MAP3K3: variants seen among roughly 807,000 people sequenced by gnomAD.
MAP3K3 encodes mitogen-activated protein kinase kinase kinase 3, also known as MAP/ERK kinase kinase 3.
MAP3K3 carries 12 observed loss-of-function variants against 80.9 expected under a neutral mutation model. That is an observed-to-expected ratio of 0.15 (90% CI 0.10 to 0.24). The LOEUF (loss-of-function observed/expected upper bound fraction) is 0.24, where lower values mean the gene tolerates loss of function less well. Ranked by LOEUF, MAP3K3 falls within the 10% of genes least tolerant of loss-of-function variation. The pLI, the probability that MAP3K3 is intolerant of heterozygous loss-of-function variation, is 1.00. For synonymous variants in MAP3K3, 272 were observed against 307.1 expected, an observed-to-expected ratio of 0.89 and a Z score of 1.19; for missense variants, 596 against 834.7, an observed-to-expected ratio of 0.71 and a Z score of 3.52.
In MAP3K3 at chr17:63,681,825, C is replaced by A; in HGVS notation, c.562C>A (p.His188Asn). 1 of 1,549,406 alleles carries A rather than the reference C, an allele frequency of 6.5e-7. No individual in the cohort carries two copies. The highest frequency in any genetic ancestry group is 8.7e-7 in the Non-Finnish European group (1 of 1,143,848). ...TGGCTATGTTCCTGAGCGGCAGCAGCACATTGCCCGGCAGGGGTCCTACAC... is the reference window on the plus strand; with the variant it reads ...TGGCTATGTTCCTGAGCGGCAGCAGAACATTGCCCGGCAGGGGTCCTACAC... ...PPGYVPERQQ[H>N]IARQGSYTSI... Residue 188 changes from histidine to asparagine, a missense_variant, in exon 7 of 16, where the codon CAC (histidine) becomes AAC (asparagine). Coordinates refer to ENST00000361733, the MANE Select transcript of MAP3K3 (RefSeq NM_002401.5).
At chr17:63,623,435 A>T (rs1406440741) in intron 1 of MAP3K3, among the ~76,000 whole-genome samples, 1 of 152,148 alleles carries the variant, frequency 6.6e-6, no homozygotes, top group East Asian at 1.9e-4. Flanking sequence ...CTTTTTGAAA[A>T]ATCCCGTTGC....
At chr17:63,678,850 T>C (rs1477501393) in intron 6 of MAP3K3, among the ~76,000 whole-genome samples, 1 of 151,564 alleles carries the variant, frequency 6.6e-6, no homozygotes, top group African/African-American at 2.4e-5. Flanking sequence ...GCCAACATGG[T>C]GAAACCCTGT....
Position 63,693,996 on chromosome 17 carries a change from G to A in MAP3K3, c.*219G>A. ...AGCCCCCAGCCTGTCAGATCCAGGA[G>A]CTCCAGTGTCCTGAGCTCAGCGTGG... On this transcript the variant is annotated 3_prime_UTR_variant, in exon 16 of 16. Transcript: ENST00000361733. This position sits in a 1 kb window ranked among gnomAD's most constrained non-coding sequence, Gnocchi z 4.2. 1.9e-6 allele frequency: 1 copy of A among 525,372 alleles called. No individual in the cohort carries two copies. Among genetic ancestry groups the A allele is most frequent in the Non-Finnish European group, 3.4e-6 (1 of 298,404 alleles). 32.5% of individuals were successfully genotyped at this position (525,372 alleles called of 1,614,324 possible).
At chr17:63,663,466 C>T (rs2034936669) in intron 5 of MAP3K3, among the ~76,000 whole-genome samples, 1 of 151,170 alleles carries the variant, frequency 6.6e-6, no homozygotes, top group Admixed American at 6.6e-5. Flanking sequence ...TGTGCCATTG[C>T]ACTCCAGCCT....
intron 8 of MAP3K3, among the ~76,000 whole-genome samples, chr17:63,687,699 A>G (rs1406097548): frequency 6.6e-6 from 1 of 151,044 alleles, no homozygotes; most frequent in Non-Finnish European, 1.5e-5. Flanking sequence ...TAAAAAAAAA[A>G]AAGTCTGGGG....
chr17:63,696,156 C>CT lies in MAP3K3; in HGVS notation c.*2380dup, dbSNP rs953442720. ...CCTTCCACCCACCCCAGCTCTATGT[C>CT]TGTGTCTGAATTGTGGATCGTGCAG... On this transcript the variant is annotated 3_prime_UTR_variant, in exon 16 of 16. Transcript: ENST00000361733. 1 of 152,500 alleles carries CT rather than the reference C, an allele frequency of 6.6e-6. No individual in the cohort carries two copies. Among genetic ancestry groups the CT allele is most frequent in the Non-Finnish European group, 1.5e-5 (1 of 68,092 alleles). 9.4% of individuals were successfully genotyped at this position (152,500 alleles called of 1,614,324 possible).
intron 3 of MAP3K3, among the ~76,000 whole-genome samples, chr17:63,648,393 G>T (rs1323034247): frequency 6.6e-6 from 1 of 152,106 alleles, no homozygotes; most frequent in Non-Finnish European, 1.5e-5. Context: ...AGAAGGAGGG[G>T]TATGATTTGC....
chr17:63,679,743 A>T (rs1421255025), intron 6 of MAP3K3, among the ~76,000 whole-genome samples: 1 of 152,146 alleles, frequency 6.6e-6, no homozygotes, highest in Non-Finnish European at 1.5e-5. Context: ...AAGTGTCGGG[A>T]TAATAGGTGT....
intron 4 of MAP3K3, among the ~76,000 whole-genome samples, chr17:63,655,193 G>C (rs899906424): frequency 6.6e-6 from 1 of 152,040 alleles, no homozygotes; most frequent in African/African-American, 2.4e-5. Flanking sequence ...GAGAGAGAAG[G>C]GCCAAGCAAA....
chr17:63,689,849 C>A lies in MAP3K3; in HGVS notation c.1063+114C>A. On this transcript the variant is annotated intron_variant, in intron 11 of 15. Coordinates refer to ENST00000361733, the MANE Select transcript of MAP3K3 (RefSeq NM_002401.5). This position sits in a 1 kb window ranked among gnomAD's most constrained non-coding sequence, Gnocchi z 4.3. The stretch of plus-strand genomic sequence containing the variant: ...GGCTCAGCAGGTGGTGGCTTTGGCC[C>A]AAATGCACCACATGGGATAAGCCTT... 1 of 957,612 alleles carries A rather than the reference C, an allele frequency of 1.0e-6. No individual in the cohort carries two copies. 59.3% of individuals were successfully genotyped at this position (957,612 alleles called of 1,614,324 possible).
chr17:63,674,626 T>C (rs937243643), intron 6 of MAP3K3, among the ~76,000 whole-genome samples: 3 of 152,006 alleles, frequency 2.0e-5, no homozygotes, highest in Non-Finnish European at 4.4e-5. Flanking sequence ...GCTGAGATTA[T>C]AGGTATGAGC....
chr17:63,672,405 T>C (rs2035130249), intron 6 of MAP3K3, among the ~76,000 whole-genome samples: 2 of 152,018 alleles, frequency 1.3e-5, no homozygotes, highest in Admixed American at 6.5e-5. Flanking sequence ...ACAGGAATAC[T>C]GGAAGAGAGC....
intron 8 of MAP3K3, chr17:63,688,269 A>G: frequency 1.8e-6 from 1 of 546,636 alleles, no homozygotes; most frequent in South Asian, 2.0e-5. Context: ...CCAAGGAGGG[A>G]GAGGGCTGTG....
intron 1 of MAP3K3, among the ~76,000 whole-genome samples, chr17:63,630,820 T>G (rs1243967893): frequency 6.6e-6 from 1 of 152,224 alleles, no homozygotes; most frequent in Non-Finnish European, 1.5e-5. Context: ...TGTTTTGAAG[T>G]GGAATCATAT....
At chr17:63,688,461 C>G in intron 8 of MAP3K3, 66 bp from the exon 9 acceptor site, 1 of 1,291,556 alleles carries the variant, frequency 7.7e-7, no homozygotes, top group Non-Finnish European at 1.1e-6. Flanking sequence ...GGGAGACTGC[C>G]TGGACGCCCT....
intron 4 of MAP3K3, among the ~76,000 whole-genome samples, chr17:63,653,754 T>C (rs1206730804): frequency 6.6e-6 from 1 of 152,228 alleles, no homozygotes; most frequent in Admixed American, 6.5e-5. Flanking sequence ...TTTATCTCTT[T>C]GTAATTATAG....
intron 1 of MAP3K3, among the ~76,000 whole-genome samples, chr17:63,624,707 G>A (rs2034066079): frequency 6.6e-6 from 1 of 152,182 alleles, no homozygotes; most frequent in Non-Finnish European, 1.5e-5. Context: ...TTCCCTGGTG[G>A]CTGCAGTATA....
Position 63,691,629 on chromosome 17 carries a change from A to G in MAP3K3, c.1345-104A>G. ...AAATGCCCTGCCCAGCCAGATAGGA[A>G]TTGAACAAATCACTCCTTTGCTGCC... On this transcript the variant is annotated intron_variant, in intron 13 of 15. Coordinates refer to ENST00000361733, the MANE Select transcript of MAP3K3 (RefSeq NM_002401.5). The surrounding 1 kb of genome is among the most constrained non-coding windows in gnomAD (Gnocchi z 4.8). 1 of 1,486,316 alleles carries G rather than the reference A, an allele frequency of 6.7e-7. No individual in the cohort carries two copies. The highest frequency in any genetic ancestry group is 2.3e-5 in the East Asian group (1 of 43,548). 92.1% of individuals were successfully genotyped at this position (1,486,316 alleles called of 1,614,324 possible).
intron 1 of MAP3K3, among the ~76,000 whole-genome samples, chr17:63,624,298 A>G (rs1377356164): frequency 6.6e-6 from 1 of 152,152 alleles, no homozygotes; most frequent in Non-Finnish European, 1.5e-5. Context: ...CTGTATTGTG[A>G]TAGTCTTTCT....
Sources: gnomAD v4.1 joint callset for allele counts (sites outside exome capture counted in the v4.1 genomes callset) on GRCh38, gnomAD v4.1.1 for gene constraint, Gnocchi (gnomAD v3.1) non-coding constraint, MANE v1.5 for transcripts, NCBI Gene and HGNC (gene_info 2026-07-23, HGNC 2026-07-21) for gene names.